LRRC37A2: variants seen among roughly 807,000 people sequenced by gnomAD.
The protein encoded by LRRC37A2 is leucine-rich repeat-containing protein 37A2.
Under a neutral mutation model 68.8 loss-of-function variants are expected in LRRC37A2, and 9 were observed. The observed-to-expected ratio is 0.13, with a 90% CI of 0.08 to 0.23. LRRC37A2 has a LOEUF of 0.23. Among genes scored for constraint, LRRC37A2 ranks in the 10% least tolerant of loss-of-function variants. The pLI is 1.00. For synonymous variants in LRRC37A2, 63 were observed against 367.6 expected (o/e 0.17, Z 9.48); for missense variants, 168 against 950.4 (o/e 0.18, Z 10.82).
chr17:46,878,790 A>G, the LRRC37A2 span, among the ~76,000 whole-genome samples: 1 of 152,248 alleles, frequency 6.6e-6, no homozygotes, highest in African/African-American at 2.4e-5. Flanking sequence ...CATGGCTGGC[A>G]GTGCCAGGGT....
intron 6 of LRRC37A2, among the ~76,000 whole-genome samples, chr17:46,529,512 C>G (rs2053338212): frequency 9.4e-6 from 1 of 106,194 alleles, no homozygotes; most frequent in South Asian, 3.1e-4. Context: ...TACTGTGAAT[C>G]TAAAAACACT....
chr17:46,907,140 G>C, the LRRC37A2 span, among the ~76,000 whole-genome samples: 5 of 152,162 alleles, frequency 3.3e-5, no homozygotes, highest in African/African-American at 9.7e-5. Context: ...AAGGGAAGAG[G>C]GGCTTAGATC....
At chr17:46,980,153 T>C in the LRRC37A2 span, among the ~76,000 whole-genome samples, 2 of 136,358 alleles carry the variant, frequency 1.5e-5, no homozygotes, top group Non-Finnish European at 3.1e-5. Flanking sequence ...CTGAATCAGA[T>C]GTGGGATGGG....
the LRRC37A2 span, chr17:47,018,936 C>A: frequency 2.0e-6 from 3 of 1,519,918 alleles, no homozygotes; most frequent in South Asian, 2.2e-5. Flanking sequence ...TGTACCCCAA[C>A]TTCGAATATA....
the LRRC37A2 span, among the ~76,000 whole-genome samples, chr17:47,038,956 A>G: frequency 1.1e-4 from 16 of 143,126 alleles, no homozygotes; most frequent in African/African-American, 4.0e-4. Context: ...AGCCTCCCAA[A>G]GTGCTGGGAT....
the LRRC37A2 span, among the ~76,000 whole-genome samples, chr17:46,848,915 G>A: frequency 8.1e-5 from 12 of 147,502 alleles, no homozygotes; most frequent in African/African-American, 2.3e-4. Flanking sequence ...AGCCAGGCCC[G>A]GCACATGTGT....
At chr17:46,902,540 C>T in the LRRC37A2 span, among the ~76,000 whole-genome samples, 1 of 151,518 alleles carries the variant, frequency 6.6e-6, no homozygotes. Context: ...AGTTTTCACT[C>T]GGCCAAGTTT....
At chr17:46,963,709 T>A in the LRRC37A2 span, 7 of 152,230 alleles carry the variant, frequency 4.6e-5, no homozygotes, top group African/African-American at 1.7e-4. Flanking sequence ...AAAGAACATA[T>A]GTTCTTGACA....
At chr17:46,815,928 T>C in the LRRC37A2 span, among the ~76,000 whole-genome samples, 6,877 of 152,166 alleles carry the variant, frequency 0.045, 319 homozygotes, top group East Asian at 0.24. Context: ...CACACAGCCC[T>C]GGGCCCAGCA....
At chr17:46,921,700 G>C in the LRRC37A2 span, among the ~76,000 whole-genome samples, 1 of 152,184 alleles carries the variant, frequency 6.6e-6, no homozygotes, top group East Asian at 1.9e-4. Flanking sequence ...CTCAAAAGAA[G>C]ACATTTATGC....
At chr17:46,980,693 C>T in the LRRC37A2 span, among the ~76,000 whole-genome samples, 1 of 101,704 alleles carries the variant, frequency 9.8e-6, no homozygotes, top group Non-Finnish European at 2.4e-5. Flanking sequence ...ATTAGCCGGG[C>T]GTGGTGGCGG....
At chr17:46,999,902 G>A in the LRRC37A2 span, among the ~76,000 whole-genome samples, 1 of 150,560 alleles carries the variant, frequency 6.6e-6, no homozygotes, top group African/African-American at 2.4e-5. Flanking sequence ...AGGAGGCTGA[G>A]GCAGGAGAAT....
At chr17:47,026,905 C>CTTTGTTTG in the LRRC37A2 span, among the ~76,000 whole-genome samples, 1,762 of 150,366 alleles carry the variant, frequency 0.012, 44 homozygotes, top group African/African-American at 0.038. Flanking sequence ...AAATGTGAGA[C>CTTTGTTTG]TTTGTTTGTT....
chr17:46,990,377 A>G, the LRRC37A2 span, among the ~76,000 whole-genome samples: 1 of 152,254 alleles, frequency 6.6e-6, no homozygotes, highest in African/African-American at 2.4e-5. Context: ...ACCTGATAAC[A>G]TATCATAAAG....
the LRRC37A2 span, among the ~76,000 whole-genome samples, chr17:46,913,601 G>C: frequency 4.6e-5 from 7 of 152,294 alleles, no homozygotes; most frequent in East Asian, 1.4e-3. Context: ...TGTGAGGAGA[G>C]CTGCAATTAT....
the LRRC37A2 span, among the ~76,000 whole-genome samples, chr17:46,798,778 A>ATG: frequency 1.3e-5 from 2 of 152,172 alleles, no homozygotes; most frequent in Admixed American, 1.3e-4. Context: ...GGCTGGGCGC[A>ATG]GTGGCTCACA....
At chr17:46,945,016 C>T in the LRRC37A2 span, among the ~76,000 whole-genome samples, 2 of 152,192 alleles carry the variant, frequency 1.3e-5, no homozygotes, top group Admixed American at 6.5e-5. Context: ...ACAGGATCTA[C>T]TCGTGAAACA....
At chr17:46,988,474 T>A in the LRRC37A2 span, among the ~76,000 whole-genome samples, 3 of 152,204 alleles carry the variant, frequency 2.0e-5, no homozygotes, top group African/African-American at 7.2e-5. Flanking sequence ...TAATTTTATG[T>A]TATGTGTATT....
chr17:46,735,500 A>C, the LRRC37A2 span, among the ~76,000 whole-genome samples: 1 of 151,592 alleles, frequency 6.6e-6, no homozygotes, highest in African/African-American at 2.4e-5. Context: ...GTCTTAGCTC[A>C]GATATCATCT....
Sources: gnomAD v4.1 joint callset for allele counts (sites outside exome capture counted in the v4.1 genomes callset) on GRCh38, gnomAD v4.1.1 for gene constraint, MANE v1.5 for transcripts, NCBI Gene and HGNC (gene_info 2026-07-23, HGNC 2026-07-21) for gene names.